The following FMO4 variants were observed in gnomAD, a reference collection of about 807,000 sequenced individuals.
FMO4 encodes the protein dimethylaniline monooxygenase [N-oxide-forming] 4.
FMO4 carries 38 observed loss-of-function variants against 43.3 expected under a neutral mutation model. The observed-to-expected ratio is 0.88, with a 90% CI of 0.68 to 1.15. The LOEUF is 1.15. Among genes scored for constraint, FMO4 ranks in the 50% most tolerant of loss-of-function variants. The pLI, the probability that FMO4 is intolerant of heterozygous loss-of-function variation, is 0.00. For synonymous variants in FMO4, 224 were observed against 232.2 expected (o/e 0.96, Z 0.32); for missense variants, 631 against 663.3 (o/e 0.95, Z 0.54).
At position 171,327,812 on chromosome 1, in the gene FMO4, C is replaced by T. The variant is rs374820608; in HGVS notation, c.484+3512C>T. On this transcript the variant is annotated intron_variant, in intron 5 of 9. Transcript: ENST00000367749. ...GTACATGTAGTCCCAGCTACTCGGG[C>T]GGCTGAGGCGGGAGGATCACTTGAG... 1.7e-3 allele frequency among the ~76,000 whole-genome samples: 252 copies of T among 152,080 alleles called. 2 individuals are homozygous for T. The highest frequency in any genetic ancestry group is 5.6e-3 in the African/African-American group (232 of 41,500).
intron 5 of FMO4, 92 bp from the exon 6 acceptor site, chr1:171,331,548 G>A: frequency 1.6e-6 from 2 of 1,233,104 alleles, no homozygotes; most frequent in East Asian, 2.3e-5. Flanking sequence ...CCATAGTTGT[G>A]GGACTTCCCT....
rs1427601789 is a variant in FMO4, at chr1:171,334,744, G to T, written c.1161G>T (p.Trp387Cys). ...ILSGTELQARWVTRVFKGLCK... is the reference protein window; with the variant it reads ...ILSGTELQARCVTRVFKGLCK... ...CAGGCACAGAGCTCCAAGCACGATG[G>T]GTCACAAGAGTATTCAAAGGTACCA... Residue 387 changes from tryptophan to cysteine, a missense_variant, in exon 8 of 10, where the codon TGG becomes TGT. Transcript: ENST00000367749. 6.4e-7 allele frequency: 1 copy of T among 1,569,630 alleles called. No homozygotes were observed. Among genetic ancestry groups the T allele is most frequent in the Non-Finnish European group, 8.6e-7 (1 of 1,163,112 alleles).
chr1:171,318,041 C>T (rs1457444183), intron 2 of FMO4, among the ~76,000 whole-genome samples: 3 of 152,102 alleles, frequency 2.0e-5, no homozygotes, highest in Admixed American at 2.0e-4. Context: ...CCAGGCCGGG[C>T]ACGGTGGCTT....
chr1:171,318,518 T>G (rs536173401), intron 2 of FMO4, among the ~76,000 whole-genome samples: 81 of 152,148 alleles, frequency 5.3e-4, no homozygotes, highest in African/African-American at 1.7e-3. Flanking sequence ...AAAAAATAAA[T>G]GTTTCACATT....
chr1:171,324,903 T>C (rs1662593297), intron 5 of FMO4, among the ~76,000 whole-genome samples: 1 of 152,138 alleles, frequency 6.6e-6, no homozygotes, highest in Non-Finnish European at 1.5e-5. Context: ...AGGCCAGAAG[T>C]AGGAGACCAG....
intron 2 of FMO4, among the ~76,000 whole-genome samples, chr1:171,316,990 G>A (rs1284639412): frequency 2.0e-5 from 3 of 152,144 alleles, no homozygotes; most frequent in Non-Finnish European, 4.4e-5. Context: ...AAAACTCCAA[G>A]CCCATCCCAA....
chr1:171,315,763 T>C (rs1662172072), intron 1 of FMO4, among the ~76,000 whole-genome samples: 1 of 152,232 alleles, frequency 6.6e-6, no homozygotes, highest in Non-Finnish European at 1.5e-5. Context: ...TTCTACTGCC[T>C]GTAGAGTCTC....
rs572624037 is a variant in FMO4 at position 171,338,787 on chromosome 1, G to GT, written c.1250+1368dup. On this transcript the variant is annotated intron_variant, in intron 9 of 9. Transcript: ENST00000367749. ...TATATTACATATCTACTTAGTTGAGGTTTTTTAATAATGTATTCATTTCCC... is the reference window on the plus strand; with the variant it reads ...TATATTACATATCTACTTAGTTGAGGTTTTTTTAATAATGTATTCATTTCCC... 2.5e-3 allele frequency among the ~76,000 whole-genome samples: 377 copies of GT among 152,196 alleles called. 1 individual carries two copies. The highest frequency in any genetic ancestry group is 7.7e-3 in the African/African-American group (319 of 41,530).
rs1444403359 is a variant in FMO4 at position 171,342,080 on chromosome 1, G to A, written c.*241G>A. On this transcript the variant is annotated 3_prime_UTR_variant, in exon 10 of 10. Transcript: ENST00000367749. ...TTCTAAAATAAATATATATGATATG[G>A]TTTAGCTGTGTCCCCACCCAAATCT... The A allele has an allele frequency of 2.3e-6, 1 of 443,578 alleles. No homozygotes were observed. The highest frequency in any genetic ancestry group is 4.0e-6 in the Non-Finnish European group (1 of 247,542). The allele number at this position is 443,578 out of a possible 1,614,324, so 27.5% of individuals were successfully genotyped here. A position where few individuals can be genotyped will look rare whatever the true frequency, so the allele number is the denominator to read the frequency against.
At chr1:171,332,205 T>A (rs1176266195) in intron 6 of FMO4, among the ~76,000 whole-genome samples, 1 of 152,232 alleles carries the variant, frequency 6.6e-6, no homozygotes, top group Admixed American at 6.5e-5. Context: ...CTAAAGGTGA[T>A]ATCTGTACCT....
chr1:171,341,650 T>C lies in FMO4; in HGVS notation c.1488T>C (p.Pro496=), dbSNP rs140501834. 5 of 1,613,786 alleles carry C rather than the reference T, an allele frequency of 3.1e-6. No homozygotes were observed. Among genetic ancestry groups the C allele is most frequent in the Non-Finnish European group, 4.2e-6 (5 of 1,179,960 alleles). The part of the protein sequence containing the change: ...ILTQWDRTLK[P]LKTRIVPDSS... Reference sequence around the variant, plus strand: ...CCCAGTGGGACAGAACATTGAAACCTTTAAAAACTCGAATTGTCCCTGATT... The same window carrying C: ...CCCAGTGGGACAGAACATTGAAACCCTTAAAAACTCGAATTGTCCCTGATT... The change falls in exon 10 of 10, where the codon CCT becomes CCC. Residue 496 remains proline, a synonymous_variant. Coordinates refer to ENST00000367749, the MANE Select transcript of FMO4 (RefSeq NM_002022.3).
chr1:171,319,014 G>C (rs767074532), intron 2 of FMO4, among the ~76,000 whole-genome samples: 4 of 152,168 alleles, frequency 2.6e-5, no homozygotes. Flanking sequence ...TTTAGCAGTT[G>C]CTATTTACAG....
Position 171,322,993 on chromosome 1 carries a change from C to CTTCAG in FMO4, c.133-7_133-6insGTTCA. ...CATTATCCCAACAAGCTAACTATGC[C>CTTCAG]TTCACCACAGGAATCTTCCAAAGAT... is the stretch of plus-strand genomic sequence containing the variant. On this transcript the variant is annotated splice_polypyrimidine_tract_variant and intron_variant, in intron 3 of 9. Coordinates refer to ENST00000367749, the MANE Select transcript of FMO4 (RefSeq NM_002022.3). 6.2e-7 allele frequency: 1 copy of CTTCAG among 1,607,878 alleles called. No homozygotes were observed. Among genetic ancestry groups the CTTCAG allele is most frequent in the Non-Finnish European group, 8.5e-7 (1 of 1,175,178 alleles).
intron 2 of FMO4, among the ~76,000 whole-genome samples, chr1:171,318,807 C>T (rs1233742427): frequency 6.6e-6 from 1 of 152,252 alleles, no homozygotes. Flanking sequence ...CCTTTAAAGT[C>T]ATTATTATTA....
Position 171,323,072 on chromosome 1 carries a change from A to G in FMO4, c.201A>G (p.Ser67=), listed in dbSNP as rs1662504151. The G allele has an allele frequency of 6.2e-7, 1 of 1,613,052 alleles. No individual in the cohort carries two copies. The highest frequency in any genetic ancestry group is 2.2e-5 in the East Asian group (1 of 44,826). ...SLVTNVCKEM[S]CYSDFPFHED... ...TGACAAATGTCTGTAAGGAAATGTC[A>G]TGTTACAGTGACTTCCCTTTCCACG... The change falls in exon 4 of 10, where the codon TCA becomes TCG. Residue 67 remains serine, a synonymous_variant. Transcript: ENST00000367749.
At chr1:171,317,609 T>C (rs1662248835) in intron 2 of FMO4, among the ~76,000 whole-genome samples, 1 of 152,238 alleles carries the variant, frequency 6.6e-6, no homozygotes, top group African/African-American at 2.4e-5. Context: ...AAACTGGTCC[T>C]ATATCTCCAT....
chr1:171,337,133 C>A lies in FMO4; in HGVS notation c.1181-223C>A, dbSNP rs139348184. Reference sequence around the variant, plus strand: ...CAGGCTGACAGCTGGGCCATAGAGGCATCTCTCCTCACAATTCTGGCAGTA... The same window carrying A: ...CAGGCTGACAGCTGGGCCATAGAGGAATCTCTCCTCACAATTCTGGCAGTA... On this transcript the variant is annotated intron_variant, in intron 8 of 9. Transcript: ENST00000367749. Among the ~76,000 whole-genome samples, 42 of 152,260 alleles carry A rather than the reference C, an allele frequency of 2.8e-4. No individual in the cohort carries two copies. The East Asian group carries it at 7.7e-3, about 28-fold the overall frequency.
intron 5 of FMO4, among the ~76,000 whole-genome samples, chr1:171,330,637 A>G (rs1025487637): frequency 6.6e-5 from 10 of 152,160 alleles, no homozygotes; most frequent in African/African-American, 2.2e-4. Context: ...CTTATTCACT[A>G]TCAGGAGAAC....
At chr1:171,320,043 C>G in intron 3 of FMO4, 86 bp downstream of exon 3, 4 of 1,481,258 alleles carry the variant, frequency 2.7e-6, no homozygotes, top group Non-Finnish European at 3.7e-6. Context: ...CCTTGGTGAT[C>G]AAGTAAGGGA....
Sources: allele counts gnomAD v4.1 joint callset (sites outside exome capture counted in the v4.1 genomes callset), GRCh38; gene constraint gnomAD v4.1.1; transcripts MANE v1.5; gene names NCBI Gene and HGNC (gene_info 2026-07-23, HGNC 2026-07-21).